TMEM8B: variants seen among roughly 807,000 people sequenced by gnomAD.
The protein encoded by TMEM8B is nasopharyngeal carcinoma expressed 6.
TMEM8B carries 29 observed loss-of-function variants against 49.3 expected under a neutral mutation model. The observed-to-expected ratio is 0.59, with a 90% CI of 0.44 to 0.80. TMEM8B has a LOEUF of 0.80. Ranked by LOEUF, TMEM8B falls within the 30% of genes least tolerant of loss-of-function variation. TMEM8B has a pLI of 0.00. For missense variants in TMEM8B, 575 were observed against 658.5 expected, an observed-to-expected ratio of 0.87 and a Z score of 1.39; for synonymous variants, 264 against 272.8, an observed-to-expected ratio of 0.97 and a Z score of 0.32.
At chr9:35,846,652 G>A (rs1831614200) in intron 9 of TMEM8B, 41 bp downstream of exon 9, 3 of 1,569,082 alleles carry the variant, frequency 1.9e-6, no homozygotes, top group Non-Finnish European at 2.6e-6. Flanking sequence ...GTGGACTGGA[G>A]GTGGACCTGC....
At chr9:35,834,848 C>T (rs1429220796) in intron 2 of TMEM8B, among the ~76,000 whole-genome samples, 163 bp from the exon 3 acceptor site, 1 of 152,194 alleles carries the variant, frequency 6.6e-6, no homozygotes, top group Non-Finnish European at 1.5e-5. Context: ...GAGCTGATCT[C>T]TCACCTGTGG....
chr9:35,853,160 C>T lies in TMEM8B; in HGVS notation c.2342C>T (p.Ala781Val), dbSNP rs1340086595. ...VVKQVLYLLGAMLLSMALQLD... is the reference protein window; with the variant it reads ...VVKQVLYLLGVMLLSMALQLD... ...CTCTAGGTGCTGTATTTGCTGGGAG[C>T]TATGCTGCTGTCCATGGCTCTGCAG... The change falls in exon 12 of 13, where the codon GCT becomes GTT. Residue 781 changes from alanine (A) to valine (V), a missense_variant. By Grantham distance (64) the Ala-to-Val change is moderately conservative. Coordinates refer to ENST00000643932, the MANE Select transcript of TMEM8B (RefSeq NM_001042590.4). This position sits in a 1 kb window ranked among gnomAD's most constrained non-coding sequence, Gnocchi z 4.2. The T allele has an allele frequency of 1.2e-6, 2 of 1,614,096 alleles. No individual in the cohort carries two copies. Among genetic ancestry groups the T allele is most frequent in the Admixed American group, 1.7e-5 (1 of 60,034 alleles).
At chr9:35,845,483 A>C in intron 6 of TMEM8B, 2 of 985,390 alleles carry the variant, frequency 2.0e-6, no homozygotes, top group Non-Finnish European at 2.4e-6. Context: ...TGCTACATTT[A>C]ATCTCTTGGG....
intron 1 of TMEM8B, among the ~76,000 whole-genome samples, chr9:35,830,356 A>G (rs1012142673): frequency 1.3e-5 from 2 of 152,244 alleles, no homozygotes; most frequent in African/African-American, 4.8e-5. Context: ...GATATTGGGC[A>G]TGCATTCAAA....
Position 35,862,117 on chromosome 9 carries a change from T to A in TMEM8B, c.*8277T>A, listed in dbSNP as rs1316496397. 6.6e-6 allele frequency: 1 copy of A among 152,202 alleles called. No individual in the cohort carries two copies. Among genetic ancestry groups the A allele is most frequent in the Non-Finnish European group, 1.5e-5 (1 of 68,036 alleles). 9.4% of individuals were successfully genotyped at this position (152,202 alleles called of 1,614,324 possible). A position where few individuals can be genotyped will look rare whatever the true frequency, so the allele number is the denominator to read the frequency against. On this transcript the variant is annotated 3_prime_UTR_variant, in exon 13 of 13. Coordinates refer to ENST00000643932, the MANE Select transcript of TMEM8B (RefSeq NM_001042590.4). ...ATTCATTCACTTATTCAACAAATAGTTATTGAGCACCTACTATGTGTTAGG... is the reference window on the plus strand; with the variant it reads ...ATTCATTCACTTATTCAACAAATAGATATTGAGCACCTACTATGTGTTAGG...
chr9:35,846,836 C>T lies in TMEM8B; in HGVS notation c.2016C>T (p.Cys672=), dbSNP rs762665692. Reference sequence around the variant, plus strand: ...CCGCAGGGTGGAGAGGCTGGGGCTGCACCGACAGTGCAGATGCGCTCACCT... The same window carrying T: ...CCGCAGGGTGGAGAGGCTGGGGCTGTACCGACAGTGCAGATGCGCTCACCT... ...ECKAGWRGWG[C]TDSADALTYG... Residue 672 remains cysteine, a synonymous_variant, in exon 10 of 13, where the codon TGC becomes TGT. Coordinates refer to ENST00000643932, the MANE Select transcript of TMEM8B (RefSeq NM_001042590.4). 66 of 1,613,666 alleles carry T rather than the reference C, an allele frequency of 4.1e-5. No individual in the cohort carries two copies. The highest frequency in any genetic ancestry group is 5.1e-6 in the Non-Finnish European group (6 of 1,179,838).
Position 35,852,965 on chromosome 9 carries a change from G to T in TMEM8B, c.2314G>T (p.Val772Phe), listed in dbSNP as rs756141888. 1.6e-5 allele frequency: 26 copies of T among 1,614,068 alleles called. No homozygotes were observed. In the Admixed American group the frequency reaches 4.3e-4, roughly 27 times the overall value. Residue 772 changes from valine (V) to phenylalanine (F), a missense_variant, in exon 11 of 13, where the codon GTC becomes TTC. Physicochemically the swap from Val to Phe is conservative, Grantham distance 50. Transcript: ENST00000643932. The part of the protein sequence containing the change: ...VIAMARLQPV[V>F]KQVLYLLGAM... ...TGCCATGGCTCGTTTACAGCCCGTG[G>T]TCAAGCAGGTCAGTCCAGAGTGGGC...
At chr9:35,851,563 A>G (rs1832139740) in intron 10 of TMEM8B, among the ~76,000 whole-genome samples, 1 of 152,218 alleles carries the variant, frequency 6.6e-6, no homozygotes, top group Admixed American at 6.5e-5. Flanking sequence ...CCCCAAAATA[A>G]CAAGCCCTTT....
chr9:35,840,070 C>T (rs578072528), intron 3 of TMEM8B, among the ~76,000 whole-genome samples: 1 of 152,310 alleles, frequency 6.6e-6, no homozygotes, highest in South Asian at 2.1e-4. Context: ...CCCACCTCCC[C>T]TTAACTGTGA....
intron 9 of TMEM8B, 59 bp downstream of exon 9, chr9:35,846,670 G>A: frequency 6.4e-7 from 1 of 1,558,572 alleles, no homozygotes; most frequent in Non-Finnish European, 8.7e-7. Context: ...TGCTGGGCCT[G>A]TGGGCAGGCG....
rs1187991506 is a variant in TMEM8B at position 35,841,620 on chromosome 9, C to T, written c.1135C>T (p.Arg379Cys). 1.2e-5 allele frequency: 5 copies of T among 416,208 alleles called. No homozygotes were observed. Among genetic ancestry groups the T allele is most frequent in the Admixed American group, 8.8e-5 (2 of 22,740 alleles). The allele number at this position is 416,208 out of a possible 1,614,324, so 25.8% of individuals were successfully genotyped here. ...TGCCTGCCCCCTGTCACTGCGTCTGCGTCCCAAAGCCCCACCCCTGCACAA... is the reference window on the plus strand; with the variant it reads ...TGCCTGCCCCCTGTCACTGCGTCTGTGTCCCAAAGCCCCACCCCTGCACAA... ...VSACPLSLRL[R>C]PKAPPLHNSS... is the part of the protein sequence containing the mutation. Residue 379 changes from arginine (R) to cysteine (C), a missense_variant, in exon 5 of 13, where the codon CGT (arginine) becomes TGT (cysteine). Transcript: ENST00000643932. The surrounding 1 kb of genome is among the most constrained non-coding windows in gnomAD (Gnocchi z 5.9).
Position 35,842,356 on chromosome 9 carries a change from C to G in TMEM8B, c.1310-36C>G. 6.9e-7 allele frequency: 1 copy of G among 1,443,882 alleles called. No individual in the cohort carries two copies. The highest frequency in any genetic ancestry group is 9.2e-7 in the Non-Finnish European group (1 of 1,084,876). 89.4% of individuals were successfully genotyped at this position (1,443,882 alleles called of 1,614,324 possible). On this transcript the variant is annotated intron_variant, in intron 5 of 12. Transcript: ENST00000643932. This position sits in a 1 kb window ranked among gnomAD's most constrained non-coding sequence, Gnocchi z 5.6. ...ATGAGTAAGTTCAGGACTGTAAAGGCTGCAGGCCCAAGCTCTGGTTTCCTC... is the reference window on the plus strand; with the variant it reads ...ATGAGTAAGTTCAGGACTGTAAAGGGTGCAGGCCCAAGCTCTGGTTTCCTC...
At chr9:35,848,681 T>C (rs180940699) in intron 10 of TMEM8B, among the ~76,000 whole-genome samples, 3 of 149,912 alleles carry the variant, frequency 2.0e-5, no homozygotes, top group African/African-American at 7.3e-5. Flanking sequence ...TTTTCTTTTT[T>C]TTTTTTTTTT....
intron 6 of TMEM8B, chr9:35,845,688 G>T: frequency 2.0e-6 from 2 of 985,428 alleles, no homozygotes; most frequent in African/African-American, 1.7e-5. Flanking sequence ...AAAAGAGGGT[G>T]TTCTCTCTTG....
chr9:35,833,411 G>T, intron 1 of TMEM8B: 1 of 977,062 alleles, frequency 1.0e-6, no homozygotes, highest in Non-Finnish European at 1.2e-6. Context: ...GGTTTACTTT[G>T]AGAGACCTTG....
chr9:35,840,683 G>C (rs1388412553), intron 3 of TMEM8B, among the ~76,000 whole-genome samples: 1 of 152,108 alleles, frequency 6.6e-6, no homozygotes, highest in Non-Finnish European at 1.5e-5. Flanking sequence ...GGAGAGTGAG[G>C]GGGCTGGATT....
At chr9:35,839,230 T>G (rs991895750) in intron 3 of TMEM8B, among the ~76,000 whole-genome samples, 3 of 152,248 alleles carry the variant, frequency 2.0e-5, no homozygotes, top group Non-Finnish European at 4.4e-5. Flanking sequence ...CTACCATGCC[T>G]TAGACTCCAG....
chr9:35,842,531 A>C lies in TMEM8B; in HGVS notation c.1449A>C (p.Pro483=), dbSNP rs753952796. Residue 483 remains proline (P), a synonymous_variant, in exon 6 of 13, where the codon CCA becomes CCC. Coordinates refer to ENST00000643932, the MANE Select transcript of TMEM8B (RefSeq NM_001042590.4). This position sits in a 1 kb window ranked among gnomAD's most constrained non-coding sequence, Gnocchi z 5.6. ...CGGAGGGGCCTGGGACCACGTCCCCACCCGAGCACTGCTGGCCAGTGCGCC... is the reference window on the plus strand; with the variant it reads ...CGGAGGGGCCTGGGACCACGTCCCCCCCCGAGCACTGCTGGCCAGTGCGCC... The part of the protein sequence containing the change: ...TPAEGPGTTS[P]PEHCWPVRPT... The C allele has an allele frequency of 6.2e-7, 1 of 1,613,996 alleles. No homozygotes were observed. The highest frequency in any genetic ancestry group is 2.2e-5 in the East Asian group (1 of 44,868).
Position 35,852,747 on chromosome 9 carries a change from C to T in TMEM8B, c.2176-80C>T, listed in dbSNP as rs536723059. The stretch of plus-strand genomic sequence containing the variant: ...CTGCTGCACTGACAGCAGCACACCA[C>T]CCCTGGGCCCACCCCTCCGGTTTTG... On this transcript the variant is annotated intron_variant, in intron 10 of 12. Coordinates refer to ENST00000643932, the MANE Select transcript of TMEM8B (RefSeq NM_001042590.4). 3.2e-4 allele frequency: 495 copies of T among 1,561,522 alleles called. 2 individuals are homozygous for T. The East Asian group carries it at 0.01, about 32-fold the overall frequency.
Sources: gnomAD v4.1 joint callset for allele counts (sites outside exome capture counted in the v4.1 genomes callset) on GRCh38, gnomAD v4.1.1 for gene constraint, Gnocchi (gnomAD v3.1) non-coding constraint, MANE v1.5 for transcripts, NCBI Gene and HGNC (gene_info 2026-07-23, HGNC 2026-07-21) for gene names.